PRKAR2B: variants seen among roughly 807,000 people sequenced by gnomAD.
The protein encoded by PRKAR2B is protein kinase cAMP-dependent type II regulatory subunit beta.
Under a neutral mutation model 49.9 loss-of-function variants are expected in PRKAR2B, and 14 were observed. The ratio of observed to expected loss-of-function variants is 0.28; its 90% CI spans 0.19 to 0.44. The LOEUF is 0.44. Among genes scored for constraint, PRKAR2B ranks in the 20% least tolerant of loss-of-function variants. PRKAR2B has a pLI of 1.00. For synonymous variants in PRKAR2B, 196 were observed against 197.7 expected, an observed-to-expected ratio of 0.99 and a Z score of 0.07; for missense variants, 393 against 537.9, an observed-to-expected ratio of 0.73 and a Z score of 2.67.
intron 1 of PRKAR2B, among the ~76,000 whole-genome samples, chr7:107,069,300 A>G (rs1337014576): frequency 6.6e-6 from 1 of 152,194 alleles, no homozygotes; most frequent in Admixed American, 6.5e-5. Flanking sequence ...ACATAGTTTT[A>G]TTATAGTACT....
intron 9 of PRKAR2B, 27 bp downstream of exon 9, chr7:107,157,076 A>G: frequency 4.4e-6 from 7 of 1,607,916 alleles, no homozygotes; most frequent in Non-Finnish European, 6.0e-6. Context: ...CTCAGAACCC[A>G]CATACTGTTA....
At chr7:107,119,754 A>G (rs1430811017) in intron 2 of PRKAR2B, among the ~76,000 whole-genome samples, 1 of 152,196 alleles carries the variant, frequency 6.6e-6, no homozygotes, top group Non-Finnish European at 1.5e-5. Flanking sequence ...GTTTTCCAGC[A>G]GGGAGAGATC....
At chr7:107,063,893 GTTTGGATTGTTTACTC>G (rs1584406487) in intron 1 of PRKAR2B, among the ~76,000 whole-genome samples, 1 of 152,160 alleles carries the variant, frequency 6.6e-6, no homozygotes, top group East Asian at 1.9e-4. Flanking sequence ...TCTTAGCCTA[GTTTGGATTGTTTACTC>G]TTACAAGCAG....
chr7:107,117,471 A>C (rs912375917), intron 2 of PRKAR2B, among the ~76,000 whole-genome samples: 3 of 152,218 alleles, frequency 2.0e-5, no homozygotes, highest in East Asian at 1.9e-4. Context: ...CATTCTGTGC[A>C]AACTGTATTT....
chr7:107,045,210 C>G lies in PRKAR2B; in HGVS notation c.303C>G (p.Phe101Leu). 6.9e-7 allele frequency: 1 copy of G among 1,452,000 alleles called. No homozygotes were observed. The highest frequency in any genetic ancestry group is 9.1e-7 in the Non-Finnish European group (1 of 1,103,476). 89.9% of individuals were successfully genotyped at this position (1,452,000 alleles called of 1,614,324 possible). The change falls in exon 1 of 11, where the codon TTC becomes TTG. Residue 101 changes from phenylalanine to leucine, a missense_variant. By Grantham distance (22) the Phe-to-Leu change is conservative (BLOSUM62 0). Coordinates refer to ENST00000265717, the MANE Select transcript of PRKAR2B (RefSeq NM_002736.3). ...EEAAPADAGA[F>L]NAPVINRFTR... ...CGGCGCCCGCGGACGCAGGGGCGTTCAATGGTGAGGACCAGACCCCCCACT... is the reference window on the plus strand; with the variant it reads ...CGGCGCCCGCGGACGCAGGGGCGTTGAATGGTGAGGACCAGACCCCCCACT...
chr7:107,050,490 A>G (rs1271153345), intron 1 of PRKAR2B, among the ~76,000 whole-genome samples: 2 of 152,094 alleles, frequency 1.3e-5, no homozygotes, highest in Non-Finnish European at 2.9e-5. Flanking sequence ...TTTTGTTAAC[A>G]GCTATGTTGA....
At chr7:107,100,734 C>T (rs1043726286) in intron 2 of PRKAR2B, among the ~76,000 whole-genome samples, 3 of 151,444 alleles carry the variant, frequency 2.0e-5, no homozygotes, top group Non-Finnish European at 2.9e-5. Flanking sequence ...CATCAGGTTC[C>T]TGATTCTTTC....
At chr7:107,094,689 G>A (rs935607641) in intron 2 of PRKAR2B, among the ~76,000 whole-genome samples, 1 of 152,164 alleles carries the variant, frequency 6.6e-6, no homozygotes, top group Non-Finnish European at 1.5e-5. Context: ...TTTGTATAAG[G>A]TGTAAGGAAG....
chr7:107,134,061 C>T (rs984013859), intron 4 of PRKAR2B, among the ~76,000 whole-genome samples: 1 of 152,030 alleles, frequency 6.6e-6, no homozygotes, highest in Non-Finnish European at 1.5e-5. Flanking sequence ...GAGAGTCTCG[C>T]TCTGTTGCCC....
chr7:107,145,947 G>A (rs1487144398), intron 5 of PRKAR2B, among the ~76,000 whole-genome samples: 1 of 150,976 alleles, frequency 6.6e-6, no homozygotes, highest in Non-Finnish European at 1.5e-5. Context: ...CACCATGTTG[G>A]CCAGGCTGGT....
intron 1 of PRKAR2B, among the ~76,000 whole-genome samples, chr7:107,057,584 A>G (rs946280329): frequency 6.6e-6 from 1 of 152,200 alleles, no homozygotes; most frequent in African/African-American, 2.4e-5. Context: ...TAGACTCTAG[A>G]TTTGAAGCCT....
intron 2 of PRKAR2B, among the ~76,000 whole-genome samples, chr7:107,103,705 C>A: frequency 6.6e-6 from 1 of 152,226 alleles, no homozygotes; most frequent in Non-Finnish European, 1.5e-5. Context: ...CTTTTTCTAT[C>A]GGTAGAGTGG....
At chr7:107,132,878 A>C (rs1795628240) in intron 4 of PRKAR2B, among the ~76,000 whole-genome samples, 1 of 152,198 alleles carries the variant, frequency 6.6e-6, no homozygotes, top group African/African-American at 2.4e-5. Context: ...TGTTGAGCAC[A>C]GCATTTATAA....
chr7:107,099,370 G>A (rs539166505), intron 2 of PRKAR2B, among the ~76,000 whole-genome samples: 24 of 152,286 alleles, frequency 1.6e-4, no homozygotes, highest in Admixed American at 1.2e-3. Flanking sequence ...TTGGAAAAGC[G>A]CAGTATTAGG....
At position 107,128,311 on chromosome 7, in the gene PRKAR2B, A is replaced by G. The variant is rs572478471; in HGVS notation, c.480+16A>G. The G allele has an allele frequency of 1.9e-6, 3 of 1,574,144 alleles. No individual in the cohort carries two copies. Among genetic ancestry groups the G allele is most frequent in the Admixed American group, 3.3e-5 (2 of 59,898 alleles). On this transcript the variant is annotated intron_variant, in intron 4 of 10. Transcript: ENST00000265717. ...TCTGGATCCGGTAAGATAAATCTTA[A>G]TAATAGAAATGGCTTTGTTTTTTCC...
intron 1 of PRKAR2B, among the ~76,000 whole-genome samples, chr7:107,069,322 A>G (rs1794217563): frequency 1.3e-5 from 2 of 152,210 alleles, no homozygotes. Flanking sequence ...GTTCCTGTGC[A>G]TACATATTTT....
intron 2 of PRKAR2B, among the ~76,000 whole-genome samples, chr7:107,079,815 G>A (rs905452491): frequency 6.6e-6 from 1 of 152,192 alleles, no homozygotes; most frequent in African/African-American, 2.4e-5. Context: ...GAGAAACAAG[G>A]ACACTCTGGA....
intron 2 of PRKAR2B, among the ~76,000 whole-genome samples, chr7:107,113,434 A>G (rs1481319252): frequency 6.6e-6 from 1 of 152,214 alleles, no homozygotes; most frequent in East Asian, 1.9e-4. Flanking sequence ...CATAATGTTC[A>G]TCAACTGCAA....
chr7:107,094,757 A>C (rs1167855955), intron 2 of PRKAR2B, among the ~76,000 whole-genome samples: 1 of 152,214 alleles, frequency 6.6e-6, no homozygotes, highest in Admixed American at 6.5e-5. Flanking sequence ...CCATTTATTA[A>C]ATAGGGAATC....
Sources: gnomAD v4.1 joint callset for allele counts (sites outside exome capture counted in the v4.1 genomes callset) on GRCh38, gnomAD v4.1.1 for gene constraint, MANE v1.5 for transcripts, NCBI Gene and HGNC (gene_info 2026-07-23, HGNC 2026-07-21) for gene names.